USH2A: variants seen among roughly 807,000 people sequenced by gnomAD.
The protein encoded by USH2A is usherin.
In USH2A, 443 loss-of-function variants were observed where a neutral mutation model predicts 538.9. The ratio of observed to expected loss-of-function variants is 0.82; its 90% CI spans 0.76 to 0.89. The LOEUF (loss-of-function observed/expected upper bound fraction) is 0.89, where lower values mean the gene tolerates loss of function less well. Among genes scored for constraint, USH2A ranks in the 40% least tolerant of loss-of-function variants. The pLI is 0.00. For missense variants in USH2A, 6,633 were observed against 6,324.8 expected, an observed-to-expected ratio of 1.05 and a Z score of -1.65; for synonymous variants, 2,413 against 2,273.5, an observed-to-expected ratio of 1.06 and a Z score of -1.75.
rs984785480 is a variant in USH2A, at chr1:215,683,234, C to T, written c.12067-2858G>A. On this transcript the variant is annotated intron_variant, in intron 61 of 71. Coordinates refer to ENST00000307340, the MANE Select transcript of USH2A (RefSeq NM_206933.4). Reference sequence around the variant, plus strand: ...AGTTTTATACACACACACACACACACACACACACACACACACACACGCACA... The same window carrying T: ...AGTTTTATACACACACACACACACATACACACACACACACACACACGCACA... Among the ~76,000 whole-genome samples, 423 of 63,300 alleles carry T rather than the reference C, an allele frequency of 6.7e-3. 2 individuals are homozygous for T. Among genetic ancestry groups the T allele is most frequent in the Admixed American group, 0.015 (86 of 5,562 alleles). 41.5% of individuals were successfully genotyped at this position (63,300 alleles called of 152,430 possible).
At position 215,701,983 on chromosome 1, in the gene USH2A, C is replaced by T. The variant is rs114544267; in HGVS notation, c.12067-21607G>A. 9.4e-3 allele frequency among the ~76,000 whole-genome samples: 1,435 copies of T among 152,276 alleles called. 23 individuals are homozygous for T. The highest frequency in any genetic ancestry group is 0.031 in the African/African-American group (1,271 of 41,542). ...TTTTTCCTTTCCATACTCAGTGCTT[C>T]CTTCAGAAGCTCTTGTAATGCAGGC... On this transcript the variant is annotated intron_variant, in intron 61 of 71. Transcript: ENST00000307340.
intron 47 of USH2A, among the ~76,000 whole-genome samples, chr1:215,821,463 G>GT (rs1321482518): frequency 1.9e-4 from 29 of 151,444 alleles, no homozygotes; most frequent in Non-Finnish European, 3.6e-4. Flanking sequence ...TTTTGTTTTT[G>GT]TTTTTTGCTT....
rs1180798139 is a variant in USH2A at position 216,325,760 on chromosome 1, C to A, written c.849-161G>T. ...AACATAAAATAAAACTTATTTTTGG[C>A]CAAATAAACAAATTCATTATCATAA... On this transcript the variant is annotated intron_variant, in intron 5 of 71. Transcript: ENST00000307340. Among the ~76,000 whole-genome samples, 7 of 152,046 alleles carry A rather than the reference C, an allele frequency of 4.6e-5. No individual in the cohort carries two copies. In the East Asian group the frequency reaches 1.2e-3, roughly 25 times the overall value.
chr1:215,698,227 T>C (rs528523156), intron 61 of USH2A, among the ~76,000 whole-genome samples: 14 of 152,336 alleles, frequency 9.2e-5, no homozygotes, highest in African/African-American at 3.1e-4. Context: ...CAGTCTATCA[T>C]TGATGGGCAT....
At chr1:215,836,936 C>T (rs902831504) in intron 47 of USH2A, among the ~76,000 whole-genome samples, 1 of 151,644 alleles carries the variant, frequency 6.6e-6, no homozygotes, top group Non-Finnish European at 1.5e-5. Flanking sequence ...TGACTATTTC[C>T]TCCCTGCATA....
intron 34 of USH2A, among the ~76,000 whole-genome samples, chr1:215,994,670 G>A (rs974210449): frequency 6.6e-6 from 1 of 151,998 alleles, no homozygotes; most frequent in African/African-American, 2.4e-5. Context: ...CTCAGCTGTG[G>A]CATGTGCCTT....
intron 3 of USH2A, among the ~76,000 whole-genome samples, chr1:216,386,326 T>A (rs1001276351): frequency 3.3e-5 from 5 of 150,090 alleles, no homozygotes; most frequent in Non-Finnish European, 7.4e-5. Flanking sequence ...TGAAACCCCA[T>A]CTCTACTAAA....
chr1:215,852,824 T>C (rs1664053112), intron 44 of USH2A, among the ~76,000 whole-genome samples: 1 of 152,214 alleles, frequency 6.6e-6, no homozygotes, highest in South Asian at 2.1e-4. Context: ...ATCCAGCTCA[T>C]GCTGATGCAA....
At chr1:216,085,695 C>T (rs978010942) in intron 24 of USH2A, among the ~76,000 whole-genome samples, 1 of 150,674 alleles carries the variant, frequency 6.6e-6, no homozygotes, top group Non-Finnish European at 1.5e-5. Flanking sequence ...CCCAGAAGGG[C>T]AAAAAACAAA....
intron 65 of USH2A, among the ~76,000 whole-genome samples, chr1:215,649,173 G>A (rs1331390433): frequency 6.6e-6 from 1 of 152,106 alleles, no homozygotes; most frequent in African/African-American, 2.4e-5. Context: ...ATTCACCAAG[G>A]TCCATATTCT....
At chr1:216,423,023 C>T (rs2039705223) in intron 1 of USH2A, among the ~76,000 whole-genome samples, 191 bp downstream of exon 1, 1 of 152,052 alleles carries the variant, frequency 6.6e-6, no homozygotes, top group Non-Finnish European at 1.5e-5. Flanking sequence ...GGCCTTTCCC[C>T]TTATCCCAGC....
intron 3 of USH2A, among the ~76,000 whole-genome samples, chr1:216,409,216 T>G (rs547382975): frequency 2.0e-5 from 3 of 152,100 alleles, no homozygotes; most frequent in South Asian, 4.1e-4. Context: ...CTCAAATAAA[T>G]CAGAGATGAC....
chr1:215,752,014 T>G (rs1660635807), intron 58 of USH2A, among the ~76,000 whole-genome samples: 1 of 152,136 alleles, frequency 6.6e-6, no homozygotes, highest in Admixed American at 6.5e-5. Context: ...TAAGACAAGA[T>G]GCAGTCTTTG....
intron 19 of USH2A, among the ~76,000 whole-genome samples, chr1:216,192,178 CT>C (rs753260911): frequency 7.9e-5 from 12 of 152,184 alleles, no homozygotes; most frequent in East Asian, 3.9e-4. Context: ...CGTATCCCCC[CT>C]GTCTCATTCT....
Position 215,813,845 on chromosome 1 carries a change from C to A in USH2A, c.9630G>T (p.Lys3210Asn), listed in dbSNP as rs1018752440. ...PKPGHRCCEE[K>N]YIPFVLNSTG... Reference sequence around the variant, plus strand: ...TAGAATTCAGAACAAACGGGATATACTTTTCTTCACAACAGCGATGTCCAG... The same window carrying A: ...TAGAATTCAGAACAAACGGGATATAATTTTCTTCACAACAGCGATGTCCAG... The change falls in exon 49 of 72, where the codon AAG becomes AAT. Residue 3210 changes from lysine to asparagine, a missense_variant. Physicochemically the swap from Lys to Asn is moderately conservative, Grantham distance 94. Transcript: ENST00000307340. 6.2e-7 allele frequency: 1 copy of A among 1,613,912 alleles called. No homozygotes were observed. Among genetic ancestry groups the A allele is most frequent in the South Asian group, 1.1e-5 (1 of 91,082 alleles).
intron 14 of USH2A, among the ~76,000 whole-genome samples, chr1:216,219,798 G>A (rs147634531): frequency 6.6e-6 from 1 of 152,112 alleles, no homozygotes; most frequent in African/African-American, 2.4e-5. Context: ...ATTTCATAAA[G>A]AGTAATCTGT....
intron 3 of USH2A, among the ~76,000 whole-genome samples, chr1:216,390,225 G>A (rs1357696704): frequency 6.6e-6 from 1 of 152,128 alleles, no homozygotes; most frequent in East Asian, 1.9e-4. Context: ...TCCAAGCTAG[G>A]TTTAGGCTGA....
Position 215,623,347 on chromosome 1 carries a change from A to C in USH2A, c.*2434T>G, listed in dbSNP as rs768995764. On this transcript the variant is annotated 3_prime_UTR_variant, in exon 72 of 72. Transcript: ENST00000307340. ...GCCAAGGAGCATAGTCCCTGTGCAT[A>C]GCATATTATTCCTGTACATGATTTC... 6.6e-6 allele frequency: 1 copy of C among 152,084 alleles called. No homozygotes were observed. Among genetic ancestry groups the C allele is most frequent in the South Asian group, 2.1e-4 (1 of 4,822 alleles). 9.4% of individuals were successfully genotyped at this position (152,084 alleles called of 1,614,324 possible). A position where few individuals can be genotyped will look rare whatever the true frequency, so the allele number is the denominator to read the frequency against.
intron 21 of USH2A, among the ~76,000 whole-genome samples, chr1:216,135,467 T>C (rs2033467944): frequency 6.6e-6 from 1 of 152,090 alleles, no homozygotes; most frequent in South Asian, 2.1e-4. Flanking sequence ...TCAATTTCAC[T>C]CTTATAGTGA....
Sources: allele counts gnomAD v4.1 joint callset (sites outside exome capture counted in the v4.1 genomes callset), GRCh38; gene constraint gnomAD v4.1.1; transcripts MANE v1.5; gene names NCBI Gene and HGNC (gene_info 2026-07-23, HGNC 2026-07-21).